FBXO17: variants seen among roughly 807,000 people sequenced by gnomAD.
The protein encoded by FBXO17 is F-box only protein 17.
FBXO17 carries 43 observed loss-of-function variants against 34.1 expected under a neutral mutation model. The ratio of observed to expected loss-of-function variants is 1.26; its 90% CI spans 0.99 to 1.62. The LOEUF (loss-of-function observed/expected upper bound fraction) is 1.62. Among genes scored for constraint, FBXO17 ranks in the 40% most tolerant of loss-of-function variants. The probability of loss-of-function intolerance (pLI) is 0.00; values close to 1 mark genes in which losing one functional copy is unlikely to be tolerated. For synonymous variants in FBXO17, 169 were observed against 166.0 expected, an observed-to-expected ratio of 1.02 and a Z score of -0.14; for missense variants, 424 against 386.7, an observed-to-expected ratio of 1.10 and a Z score of -0.81.
intron 4 of FBXO17, 129 bp downstream of exon 4, chr19:38,946,343 G>T: frequency 7.0e-7 from 1 of 1,437,610 alleles, no homozygotes; most frequent in Non-Finnish European, 9.4e-7. Context: ...TCCCCTCTCA[G>T]CCTCATCACA....
At chr19:38,968,821 T>A (rs1490284509) in intron 1 of FBXO17, among the ~76,000 whole-genome samples, 2 of 152,158 alleles carry the variant, frequency 1.3e-5, no homozygotes, top group African/African-American at 4.8e-5. Context: ...ATGATGTGCT[T>A]CTATGAAATG....
Position 38,948,788 on chromosome 19 carries a change from A to G in FBXO17, c.350-110T>C, listed in dbSNP as rs111809649. 7,017 of 851,330 alleles carry G rather than the reference A, an allele frequency of 8.2e-3. 353 individuals are homozygous for G. The African/African-American group carries it at 0.1, about 13-fold the overall frequency. 52.7% of individuals were successfully genotyped at this position (851,330 alleles called of 1,614,324 possible). A position where few individuals can be genotyped will look rare whatever the true frequency, so the allele number is the denominator to read the frequency against. On this transcript the variant is annotated intron_variant, in intron 2 of 5. Coordinates refer to ENST00000292852, the MANE Select transcript of FBXO17 (RefSeq NM_024907.7). ...ACCAGCCTCTCCCTCTTGTGCTCCA[A>G]TCCTCCCTGGTTTCTCCTACCGACT...
intron 5 of FBXO17, among the ~76,000 whole-genome samples, chr19:38,944,254 C>A (rs1013267984): frequency 1.4e-5 from 1 of 71,328 alleles, no homozygotes; most frequent in Admixed American, 1.9e-4. Flanking sequence ...TCTGATCTGA[C>A]TCATTATTAT....
In FBXO17 at chr19:38,950,019, G is replaced by C. The variant is rs1402983854; in HGVS notation, c.301C>G (p.Leu101Val). The C allele has an allele frequency of 1.3e-6, 2 of 1,562,134 alleles. No homozygotes were observed. The highest frequency in any genetic ancestry group is 1.2e-5 in the South Asian group (1 of 84,980). The change falls in exon 2 of 6, where the codon CTG becomes GTG. Residue 101 changes from leucine to valine, a missense_variant. Transcript: ENST00000292852. ...AGATTGCGGCCGAAGGGCGCGCGCA[G>C]ACAGTAGCGCGCCAGGGCGCACAGC... ...FPLCALARYC[L>V]RAPFGRNLIF...
intron 1 of FBXO17, among the ~76,000 whole-genome samples, chr19:38,965,414 GC>G (rs765516177): frequency 1.3e-5 from 2 of 149,890 alleles, no homozygotes; most frequent in African/African-American, 2.5e-5. Flanking sequence ...TGCAACCTCC[GC>G]CTCCTGGGTT....
chr19:38,972,062 A>G (rs554970291), intron 1 of FBXO17, among the ~76,000 whole-genome samples: 1 of 152,328 alleles, frequency 6.6e-6, no homozygotes, highest in African/African-American at 2.4e-5. Flanking sequence ...CAAAGAAGCA[A>G]CAGAGCCATG....
At chr19:38,965,437 C>T (rs958484569) in intron 1 of FBXO17, among the ~76,000 whole-genome samples, 9 of 151,914 alleles carry the variant, frequency 5.9e-5, no homozygotes, top group Non-Finnish European at 1.2e-4. Flanking sequence ...AAGTGATTCT[C>T]GTGCCTCAGC....
At chr19:38,963,319 G>A (rs1441162352) in intron 1 of FBXO17, among the ~76,000 whole-genome samples, 1 of 149,698 alleles carries the variant, frequency 6.7e-6, no homozygotes, top group Non-Finnish European at 1.5e-5. Flanking sequence ...TTTTGAGGCA[G>A]GGTCTCACTC....
chr19:38,952,439 C>T (rs1975098667), intron 1 of FBXO17: 1 of 461,182 alleles, frequency 2.2e-6, no homozygotes, highest in Admixed American at 2.6e-5. Context: ...TTCCTACCAC[C>T]TTCTTGCTCT....
chr19:38,948,962 C>T (rs932690912), intron 2 of FBXO17, among the ~76,000 whole-genome samples: 3 of 152,212 alleles, frequency 2.0e-5, no homozygotes, highest in Non-Finnish European at 4.4e-5. Context: ...CAGGGTCTCA[C>T]TCTGTCGCCC....
At position 38,948,032 on chromosome 19, in the gene FBXO17, AGTCTCATT is replaced by A. The variant is rs1975011988; in HGVS notation, c.461+527_461+534del. Among the ~76,000 whole-genome samples, 4 of 144,430 alleles carry A rather than the reference AGTCTCATT, an allele frequency of 2.8e-5. No individual in the cohort carries two copies. In the South Asian group the frequency reaches 8.8e-4, roughly 32 times the overall value. The allele number at this position is 144,430 out of a possible 152,430, so 94.8% of individuals were successfully genotyped here. A position where few individuals can be genotyped will look rare whatever the true frequency, so the allele number is the denominator to read the frequency against. On this transcript the variant is annotated intron_variant, in intron 3 of 5. Coordinates refer to ENST00000292852, the MANE Select transcript of FBXO17 (RefSeq NM_024907.7). ...CCCTTTTTTTTTTTTTTTGAGACAG[AGTCTCATT>A]CTGTCGCCCAGGCTGGAGTGCAGTG...
chr19:38,952,878 T>C (rs1342365024), intron 1 of FBXO17: 1 of 456,356 alleles, frequency 2.2e-6, no homozygotes, highest in Admixed American at 2.4e-5. Flanking sequence ...TTCCCTCCAG[T>C]GCCCCACTCG....
Position 38,950,068 on chromosome 19 carries a change from G to A in FBXO17, c.252C>T (p.Ser84=). 1.9e-6 allele frequency: 3 copies of A among 1,568,932 alleles called. No individual in the cohort carries two copies. Among genetic ancestry groups the A allele is most frequent in the Non-Finnish European group, 2.6e-6 (3 of 1,158,500 alleles). ...LYAVAQRCLP[S]NEDKEEFPLC... is the part of the protein sequence containing the mutation. The stretch of plus-strand genomic sequence containing the variant: ...GCGGGAACTCCTCCTTGTCTTCGTT[G>A]CTGGGCAGGCAGCGTTGAGCCACTG... Residue 84 remains serine (S), a synonymous_variant, in exon 2 of 6, where the codon AGC becomes AGT. Transcript: ENST00000292852.
Position 38,962,203 on chromosome 19 carries a change from T to A in FBXO17, c.-17-11867A>T, listed in dbSNP as rs927838847. Among the ~76,000 whole-genome samples, 239 of 137,300 alleles carry A rather than the reference T, an allele frequency of 1.7e-3. 2 individuals are homozygous for A. The highest frequency in any genetic ancestry group is 8.8e-3 in the South Asian group (38 of 4,330). The allele number at this position is 137,300 out of a possible 152,430, so 90.1% of individuals were successfully genotyped here. The stretch of plus-strand genomic sequence containing the variant: ...GAAACTTCGTCTCAAAAAAAAAAAA[T>A]AAAAAAAAATAAATAATAATTGGAG... On this transcript the variant is annotated intron_variant, in intron 1 of 5. Coordinates refer to ENST00000292852, the MANE Select transcript of FBXO17 (RefSeq NM_024907.7).
chr19:38,969,181 G>A (rs1410440306), intron 1 of FBXO17, among the ~76,000 whole-genome samples: 1 of 152,090 alleles, frequency 6.6e-6, no homozygotes, highest in Non-Finnish European at 1.5e-5. Context: ...GGGTGCGATG[G>A]CTCACACCTG....
At chr19:38,944,441 G>A (rs371794815) in intron 5 of FBXO17, among the ~76,000 whole-genome samples, 1 of 151,842 alleles carries the variant, frequency 6.6e-6, no homozygotes, top group Non-Finnish European at 1.5e-5. Context: ...TGGAGGTCTC[G>A]CTATATTGCC....
At chr19:38,949,641 G>A (rs1975041068) in intron 2 of FBXO17, among the ~76,000 whole-genome samples, 1 of 151,602 alleles carries the variant, frequency 6.6e-6, no homozygotes, top group South Asian at 2.1e-4. Context: ...CGATCCTCCT[G>A]CCTTGGCCTC....
chr19:38,960,700 G>A (rs140565120), intron 1 of FBXO17, among the ~76,000 whole-genome samples: 92 of 151,776 alleles, frequency 6.1e-4, no homozygotes, highest in African/African-American at 2.2e-3. Flanking sequence ...GTGAAGACAG[G>A]GTTTCACATG....
chr19:38,942,284 T>TA lies in FBXO17; in HGVS notation c.*323dup. The TA allele has an allele frequency of 6.1e-6, 1 of 165,272 alleles. No individual in the cohort carries two copies. The highest frequency in any genetic ancestry group is 1.7e-4 in the East Asian group (1 of 6,058). 10.2% of individuals were successfully genotyped at this position (165,272 alleles called of 1,614,324 possible). A position where few individuals can be genotyped will look rare whatever the true frequency, so the allele number is the denominator to read the frequency against. Reference sequence around the variant, plus strand: ...TCTTTTTTTTTTTTTTTTTCATTGATATAGGGTCTTGCTTTCTCACCCAGG... The same window carrying TA: ...TCTTTTTTTTTTTTTTTTTCATTGATAATAGGGTCTTGCTTTCTCACCCAGG... On this transcript the variant is annotated 3_prime_UTR_variant, in exon 6 of 6. Transcript: ENST00000292852.
Sources: allele counts gnomAD v4.1 joint callset (sites outside exome capture counted in the v4.1 genomes callset), GRCh38; gene constraint gnomAD v4.1.1; transcripts MANE v1.5; gene names NCBI Gene and HGNC (gene_info 2026-07-23, HGNC 2026-07-21).